TOMM40: variants seen among roughly 807,000 people sequenced by gnomAD.
The protein encoded by TOMM40 is translocase of outer mitochondrial membrane 40, also known as mitochondrial import receptor subunit TOM40 homolog.
In TOMM40, 9 loss-of-function variants were observed where a neutral mutation model predicts 38.4. The ratio of observed to expected loss-of-function variants is 0.23; its 90% CI spans 0.14 to 0.41. The LOEUF (loss-of-function observed/expected upper bound fraction) is 0.41, where lower values mean the gene tolerates loss of function less well. Ranked by LOEUF, TOMM40 falls within the 10% of genes least tolerant of loss-of-function variation. The pLI, the probability that TOMM40 is intolerant of heterozygous loss-of-function variation, is 1.00. For synonymous variants in TOMM40, 184 were observed against 210.0 expected (o/e 0.88, Z 1.07); for missense variants, 299 against 486.5 (o/e 0.61, Z 3.63).
chr19:44,892,638 C>G (rs1324895827), intron 2 of TOMM40, among the ~76,000 whole-genome samples, 178 bp downstream of exon 2: 1 of 152,200 alleles, frequency 6.6e-6, no homozygotes, highest in Non-Finnish European at 1.5e-5. Context: ...TCCAGAGGTA[C>G]TGTCTCCCCA....
chr19:44,892,741 C>A, intron 2 of TOMM40, 96 bp from the exon 3 acceptor site: 1 of 1,065,198 alleles, frequency 9.4e-7, no homozygotes, highest in Non-Finnish European at 1.4e-6. Flanking sequence ...GCCTCCCAGT[C>A]TTCATCCCCT....
chr19:44,903,533 A>T lies in TOMM40; in HGVS notation c.*364A>T, dbSNP rs1159789091. 4 of 209,880 alleles carry T rather than the reference A, an allele frequency of 1.9e-5. No homozygotes were observed. Among genetic ancestry groups the T allele is most frequent in the African/African-American group, 9.4e-5 (4 of 42,628 alleles). The allele number at this position is 209,880 out of a possible 1,614,324, so 13.0% of individuals were successfully genotyped here. On this transcript the variant is annotated 3_prime_UTR_variant, in exon 9 of 9. Coordinates refer to ENST00000426677, the MANE Select transcript of TOMM40 (RefSeq NM_001128917.2). ...GGGCCTGGGCCCGCCCCGAGGGGGC[A>T]GCGAGAGGAGCTTCCCCATCCCCGG...
chr19:44,896,639 G>A (rs76366838), intron 5 of TOMM40, among the ~76,000 whole-genome samples: 4,109 of 152,216 alleles, frequency 0.027, 59 homozygotes, highest in African/African-American at 0.042. Context: ...TCAGGAGCCC[G>A]TGAGCCTCCC....
intron 3 of TOMM40, among the ~76,000 whole-genome samples, chr19:44,893,164 A>G (rs1275025229): frequency 6.6e-6 from 1 of 152,212 alleles, no homozygotes; most frequent in East Asian, 1.9e-4. Flanking sequence ...ATGTGGCCAC[A>G]GCCACCCTGT....
chr19:44,903,273 T>G lies in TOMM40; in HGVS notation c.*104T>G. The G allele has an allele frequency of 8.1e-7, 1 of 1,231,546 alleles. No homozygotes were observed. The allele number at this position is 1,231,546 out of a possible 1,614,324, so 76.3% of individuals were successfully genotyped here. A position where few individuals can be genotyped will look rare whatever the true frequency, so the allele number is the denominator to read the frequency against. On this transcript the variant is annotated 3_prime_UTR_variant, in exon 9 of 9. Transcript: ENST00000426677. ...GAGCCCCCCTCCCTTCCCTCCCCCC[T>G]TGGGGGTCGGGGGGGACATTGGAAA...
At position 44,903,406 on chromosome 19, in the gene TOMM40, G is replaced by C; in HGVS notation, c.*237G>C. ...ATGCCCAGTGGGCCTGGGGTCCCGG[G>C]AGGGATTCCGGAATTGAGGGGCACG... On this transcript the variant is annotated 3_prime_UTR_variant, in exon 9 of 9. Coordinates refer to ENST00000426677, the MANE Select transcript of TOMM40 (RefSeq NM_001128917.2). 2.2e-6 allele frequency: 1 copy of C among 452,762 alleles called. No individual in the cohort carries two copies. The highest frequency in any genetic ancestry group is 2.7e-5 in the South Asian group (1 of 36,900). 28.0% of individuals were successfully genotyped at this position (452,762 alleles called of 1,614,324 possible). A position where few individuals can be genotyped will look rare whatever the true frequency, so the allele number is the denominator to read the frequency against.
At chr19:44,895,930 TG>T (rs1245468191) in intron 5 of TOMM40, among the ~76,000 whole-genome samples, 4 of 152,314 alleles carry the variant, frequency 2.6e-5, no homozygotes, top group Non-Finnish European at 5.9e-5. Context: ...CCCTGCTGCA[TG>T]GAATTCTTCC....
intron 5 of TOMM40, among the ~76,000 whole-genome samples, chr19:44,895,696 G>A (rs879874535): frequency 2.6e-5 from 4 of 151,988 alleles, no homozygotes; most frequent in Admixed American, 2.0e-4. Flanking sequence ...ACAGGCGCGC[G>A]CCACCATGCC....
At chr19:44,902,940 C>G (rs979898357) in intron 8 of TOMM40, 90 bp from the exon 9 acceptor site, 17 of 1,513,114 alleles carry the variant, frequency 1.1e-5, no homozygotes, top group Non-Finnish European at 1.3e-5. Flanking sequence ...TGGAAGCTGT[C>G]GGCATGTGGC....
Position 44,903,406 on chromosome 19 carries a change from G to A in TOMM40, c.*237G>A, listed in dbSNP as rs994350836. 6 of 452,644 alleles carry A rather than the reference G, an allele frequency of 1.3e-5. No homozygotes were observed. The highest frequency in any genetic ancestry group is 6.2e-5 in the African/African-American group (3 of 48,740). The allele number at this position is 452,644 out of a possible 1,614,324, so 28.0% of individuals were successfully genotyped here. ...ATGCCCAGTGGGCCTGGGGTCCCGG[G>A]AGGGATTCCGGAATTGAGGGGCACG... On this transcript the variant is annotated 3_prime_UTR_variant, in exon 9 of 9. Transcript: ENST00000426677.
In TOMM40 at chr19:44,891,602, G is replaced by T; in HGVS notation, c.187G>T (p.Ala63Ser). 6.8e-7 allele frequency: 1 copy of T among 1,473,408 alleles called. No individual in the cohort carries two copies. The highest frequency in any genetic ancestry group is 9.0e-7 in the Non-Finnish European group (1 of 1,116,510). 91.3% of individuals were successfully genotyped at this position (1,473,408 alleles called of 1,614,324 possible). The change falls in exon 1 of 9, where the codon GCC becomes TCC. Residue 63 changes from alanine to serine, a missense_variant. Physicochemically the swap from Ala to Ser is moderately conservative, Grantham distance 99. Coordinates refer to ENST00000426677, the MANE Select transcript of TOMM40 (RefSeq NM_001128917.2). ...SSERTPGAATASASGAAEDGA... is the reference protein window; with the variant it reads ...SSERTPGAATSSASGAAEDGA... The stretch of plus-strand genomic sequence containing the variant: ...GGAACGGACCCCCGGGGCTGCAACC[G>T]CCAGCGCCTCAGGGGCCGCCGAGGA...
intron 3 of TOMM40, 33 bp downstream of exon 3, chr19:44,892,962 C>T (rs157582): frequency 0.23 from 355,703 of 1,560,052 alleles, 43,042 homozygotes; most frequent in African/African-American, 0.47. Context: ...TCATTGTATC[C>T]TTCTAATAAC....
intron 5 of TOMM40, 54 bp from the exon 6 acceptor site, chr19:44,900,676 G>T: frequency 6.2e-7 from 1 of 1,611,036 alleles, no homozygotes; most frequent in Non-Finnish European, 8.5e-7. Flanking sequence ...CCTGGAGGTG[G>T]AGTCTAGCCT....
chr19:44,898,256 T>G (rs1969605640), intron 5 of TOMM40, among the ~76,000 whole-genome samples: 1 of 152,088 alleles, frequency 6.6e-6, no homozygotes, highest in African/African-American at 2.4e-5. Context: ...GCCAGCCTGC[T>G]CCCACTGTGG....
intron 1 of TOMM40, among the ~76,000 whole-genome samples, 167 bp from the exon 2 acceptor site, chr19:44,892,226 A>G (rs759609458): frequency 9.2e-5 from 14 of 152,210 alleles, no homozygotes; most frequent in Non-Finnish European, 1.8e-4. Context: ...TTGAGCAAGC[A>G]AAGGCCCTGG....
At chr19:44,895,008 G>A (rs146034136) in intron 5 of TOMM40, among the ~76,000 whole-genome samples, 77 of 152,300 alleles carry the variant, frequency 5.1e-4, no homozygotes, top group African/African-American at 1.6e-3. Flanking sequence ...TGTTGAGACC[G>A]GATGGAGGCG....
rs773281555 is a variant in TOMM40 at position 44,892,474 on chromosome 19, G to C, written c.342+14G>C. 2 of 1,611,680 alleles carry C rather than the reference G, an allele frequency of 1.2e-6. No individual in the cohort carries two copies. Among genetic ancestry groups the C allele is most frequent in the East Asian group, 2.2e-5 (1 of 44,884 alleles). ...AACCATTTTCAGGTGAGCCTTCCTG[G>C]TGTCCTTACCCACCAGAGATCGTCC... On this transcript the variant is annotated intron_variant, in intron 2 of 8. Coordinates refer to ENST00000426677, the MANE Select transcript of TOMM40 (RefSeq NM_001128917.2).
In TOMM40 at chr19:44,893,946, C is replaced by G. The variant is rs367599325; in HGVS notation, c.538-15C>G. The stretch of plus-strand genomic sequence containing the variant: ...GTGAGCAGGGAGCCGCCCTCACACC[C>G]CCTCCTCTCCACAGACCCAGCAGTC... On this transcript the variant is annotated splice_polypyrimidine_tract_variant and intron_variant, in intron 4 of 8. Transcript: ENST00000426677. 87 of 1,590,538 alleles carry G rather than the reference C, an allele frequency of 5.5e-5. No homozygotes were observed. The highest frequency in any genetic ancestry group is 6.9e-5 in the Non-Finnish European group (81 of 1,167,006).
intron 8 of TOMM40, chr19:44,902,817 A>G: frequency 5.4e-6 from 3 of 552,734 alleles, no homozygotes; most frequent in South Asian, 2.4e-5. Context: ...AGGGCTTTTC[A>G]GAGGGCAGGG....
Sources: allele counts gnomAD v4.1 joint callset (sites outside exome capture counted in the v4.1 genomes callset), GRCh38; gene constraint gnomAD v4.1.1; transcripts MANE v1.5; gene names NCBI Gene and HGNC (gene_info 2026-07-23, HGNC 2026-07-21).